The following JAM2 variants were observed in gnomAD, a reference collection of about 807,000 sequenced individuals.
The protein encoded by JAM2 is junctional adhesion molecule 2.
In JAM2, 17 loss-of-function variants were observed where a neutral mutation model predicts 42.0. The observed-to-expected ratio is 0.40, with a 90% CI of 0.28 to 0.61. The LOEUF (loss-of-function observed/expected upper bound fraction) is 0.61, where lower values mean the gene tolerates loss of function less well. Ranked by LOEUF, JAM2 falls within the 20% of genes least tolerant of loss-of-function variation. The pLI is 0.37. For synonymous variants in JAM2, 118 were observed against 128.6 expected, an observed-to-expected ratio of 0.92 and a Z score of 0.56; for missense variants, 319 against 358.3, an observed-to-expected ratio of 0.89 and a Z score of 0.89.
intron 4 of JAM2, among the ~76,000 whole-genome samples, chr21:25,696,248 C>G (rs2034027747): frequency 6.6e-6 from 1 of 152,098 alleles, no homozygotes; most frequent in South Asian, 2.1e-4. Flanking sequence ...ACCAGTCAGG[C>G]GTGGCGGCGC....
intron 9 of JAM2, among the ~76,000 whole-genome samples, chr21:25,713,684 T>C (rs2034426628): frequency 1.3e-5 from 2 of 152,198 alleles, no homozygotes; most frequent in African/African-American, 2.4e-5. Flanking sequence ...TTTTGTGGTT[T>C]ACTACACTGA....
intron 8 of JAM2, 183 bp downstream of exon 8, chr21:25,709,632 T>C: frequency 2.3e-6 from 1 of 430,862 alleles, no homozygotes. Flanking sequence ...TGTAAGAAAA[T>C]ACCCGAGACT....
chr21:25,698,715 G>C lies in JAM2; in HGVS notation c.433G>C (p.Ala145Pro). The change falls in exon 5 of 10, where the codon GCT becomes CCT. Residue 145 changes from alanine to proline, a missense_variant. By Grantham distance (27) the Ala-to-Pro change is conservative. Transcript: ENST00000480456. ...AVPSCEVPSSALSGTVVELRC... is the reference protein window; with the variant it reads ...AVPSCEVPSSPLSGTVVELRC... ...TCCATCATGTGAAGTACCCTCTTCTGCTCTGAGTGGAACTGTGGTAGAGCT... is the reference window on the plus strand; with the variant it reads ...TCCATCATGTGAAGTACCCTCTTCTCCTCTGAGTGGAACTGTGGTAGAGCT... The C allele has an allele frequency of 6.2e-7, 1 of 1,614,088 alleles. No homozygotes were observed. The highest frequency in any genetic ancestry group is 2.2e-5 in the East Asian group (1 of 44,880).
rs368972429 is a variant in JAM2 at position 25,702,299 on chromosome 21, G to A, written c.697+30G>A. On this transcript the variant is annotated intron_variant, in intron 6 of 9. Coordinates refer to ENST00000480456, the MANE Select transcript of JAM2 (RefSeq NM_021219.4). ...GCATGAAATATTGGGAGGAACAAAT[G>A]GTTTGCAATTCGACTGTGAAGTACA... The A allele has an allele frequency of 1.0e-5, 15 of 1,435,330 alleles. No homozygotes were observed. In the African/African-American group the frequency reaches 1.4e-4, roughly 13 times the overall value. 88.9% of individuals were successfully genotyped at this position (1,435,330 alleles called of 1,614,324 possible).
chr21:25,658,670 A>G (rs967185781), intron 1 of JAM2, among the ~76,000 whole-genome samples: 5 of 152,204 alleles, frequency 3.3e-5, no homozygotes, highest in African/African-American at 1.2e-4. Context: ...GGAAAAGATC[A>G]GGGTGAATTG....
In JAM2 at chr21:25,668,335, A is replaced by G. The variant is rs1051871320; in HGVS notation, c.68-15548A>G. On this transcript the variant is annotated intron_variant, in intron 1 of 9. Coordinates refer to ENST00000480456, the MANE Select transcript of JAM2 (RefSeq NM_021219.4). Reference sequence around the variant, plus strand: ...ACTCTAGTGGATGTGTTGAGATTAGATTCCAGAAAGGCAGGACAGAAGCAG... The same window carrying G: ...ACTCTAGTGGATGTGTTGAGATTAGGTTCCAGAAAGGCAGGACAGAAGCAG... 2.0e-5 allele frequency among the ~76,000 whole-genome samples: 3 copies of G among 152,192 alleles called. No individual in the cohort carries two copies. In the East Asian group the frequency reaches 5.8e-4, roughly 29 times the overall value.
intron 1 of JAM2, among the ~76,000 whole-genome samples, chr21:25,650,444 C>G (rs913158190): frequency 6.6e-6 from 1 of 152,150 alleles, no homozygotes; most frequent in African/African-American, 2.4e-5. Flanking sequence ...AAATCAGATA[C>G]ATGTAAGAAT....
chr21:25,683,939 G>C lies in JAM2; in HGVS notation c.124G>C (p.Glu42Gln). ...PKDQQVVTAV[E>Q]YQEAILACKT... ...AGACCAACAAGTAGTCACAGCAGTA[G>C]AGTACCAAGGTACAGTATCTTACTG... The change falls in exon 2 of 10, where the codon GAG (glutamate) becomes CAG (glutamine). Residue 42 changes from glutamate (E) to glutamine (Q), a missense_variant. Glu to Gln is a conservative substitution (Grantham distance 29). Transcript: ENST00000480456. 6.2e-7 allele frequency: 1 copy of C among 1,600,698 alleles called. No individual in the cohort carries two copies. Among genetic ancestry groups the C allele is most frequent in the Non-Finnish European group, 8.6e-7 (1 of 1,168,756 alleles).
chr21:25,642,985 C>T (rs536513150), intron 1 of JAM2, among the ~76,000 whole-genome samples: 8 of 152,294 alleles, frequency 5.3e-5, no homozygotes, highest in African/African-American at 1.7e-4. Context: ...CCTCCCATGG[C>T]GGAAGAAGCA....
rs2034369051 is a variant in JAM2 at position 25,710,809 on chromosome 21, A to C, written c.821+1360A>C. ...AAAGTCACTGGAGGGCTTTAAGCAG[A>C]GGAGTGGTGTCATTTTAATTTTTCA... On this transcript the variant is annotated intron_variant, in intron 8 of 9. Transcript: ENST00000480456. 2.6e-5 allele frequency among the ~76,000 whole-genome samples: 4 copies of C among 152,216 alleles called. No homozygotes were observed. In the South Asian group the frequency reaches 8.3e-4, roughly 32 times the overall value.
chr21:25,698,207 G>A (rs1044165217), intron 4 of JAM2, among the ~76,000 whole-genome samples: 4 of 152,230 alleles, frequency 2.6e-5, no homozygotes, highest in African/African-American at 9.6e-5. Context: ...CTAAATAGTT[G>A]GGACAGTGGT....
chr21:25,676,286 C>CAAAAAA (rs397958040), intron 1 of JAM2, among the ~76,000 whole-genome samples: 74 of 60,340 alleles, frequency 1.2e-3, no homozygotes, highest in Non-Finnish European at 1.5e-3. Flanking sequence ...AGACTCGTCT[C>CAAAAAA]AAAAAAAAAA....
At chr21:25,690,264 CCTTTCTCTTCTTTCTTT>C (rs1231898988) in intron 3 of JAM2, among the ~76,000 whole-genome samples, 2 of 151,992 alleles carry the variant, frequency 1.3e-5, no homozygotes, top group East Asian at 3.9e-4. Context: ...TTCCTTCCTT[CCTTTCTCTTCTTTCTTT>C]CTTTCTCTTT....
rs559412075 is a variant in JAM2, at chr21:25,641,745, C to T, written c.67+1857C>T. 2.0e-5 allele frequency among the ~76,000 whole-genome samples: 3 copies of T among 152,254 alleles called. No individual in the cohort carries two copies. The East Asian group carries it at 5.8e-4, about 29-fold the overall frequency. On this transcript the variant is annotated intron_variant, in intron 1 of 9. Coordinates refer to ENST00000480456, the MANE Select transcript of JAM2 (RefSeq NM_021219.4). ...GTATGGTACACTTTATTCAAATTTCCTTCATTCTTACCTAATGCCTTTTCT... is the reference window on the plus strand; with the variant it reads ...GTATGGTACACTTTATTCAAATTTCTTTCATTCTTACCTAATGCCTTTTCT...
intron 6 of JAM2, among the ~76,000 whole-genome samples, chr21:25,703,683 C>G (rs2034212809): frequency 6.6e-6 from 1 of 151,922 alleles, no homozygotes; most frequent in Middle Eastern, 3.4e-3. Context: ...CCAGCAGACT[C>G]CACCCACACT....
rs2034454716 is a variant in JAM2, at chr21:25,715,067, T to A, written c.*395T>A. 1 of 155,806 alleles carries A rather than the reference T, an allele frequency of 6.4e-6. No homozygotes were observed. Among genetic ancestry groups the A allele is most frequent in the Admixed American group, 6.5e-5 (1 of 15,372 alleles). The allele number at this position is 155,806 out of a possible 1,614,324, so 9.7% of individuals were successfully genotyped here. ...AGTCTGATTTAGGGGGTCCAACAAA[T>A]ACTCTGACAGATGCAAAAGGAACCT... On this transcript the variant is annotated 3_prime_UTR_variant, in exon 10 of 10. Coordinates refer to ENST00000480456, the MANE Select transcript of JAM2 (RefSeq NM_021219.4).
At chr21:25,684,158 G>A (rs985758560) in intron 2 of JAM2, among the ~76,000 whole-genome samples, 1 of 152,232 alleles carries the variant, frequency 6.6e-6, no homozygotes, top group Non-Finnish European at 1.5e-5. Flanking sequence ...AAGACCGGAT[G>A]TGCAAAGAAG....
intron 8 of JAM2, chr21:25,711,704 G>A (rs1378345353): frequency 4.1e-6 from 1 of 244,470 alleles, no homozygotes; most frequent in Admixed American, 5.2e-5. Flanking sequence ...TGATTGTGAG[G>A]ACTTCTGCTT....
intron 2 of JAM2, among the ~76,000 whole-genome samples, chr21:25,684,942 G>C (rs2033716669): frequency 6.6e-6 from 1 of 152,016 alleles, no homozygotes; most frequent in Non-Finnish European, 1.5e-5. Flanking sequence ...TTTTCCAAAG[G>C]ATCCTTTATC....
Sources: allele counts gnomAD v4.1 joint callset (sites outside exome capture counted in the v4.1 genomes callset), GRCh38; gene constraint gnomAD v4.1.1; transcripts MANE v1.5; gene names NCBI Gene and HGNC (gene_info 2026-07-23, HGNC 2026-07-21).